Variants in SLC24A3 observed in about 807,000 individuals in gnomAD.
SLC24A3 encodes the protein sodium/potassium/calcium exchanger 3.
Under a neutral mutation model 75.8 loss-of-function variants are expected in SLC24A3, and 28 were observed. That is an observed-to-expected ratio of 0.37 (90% CI 0.27 to 0.51). The LOEUF is 0.51. SLC24A3 is among the 20% of genes least tolerant of loss of function. The pLI is 0.94. For synonymous variants in SLC24A3, 372 were observed against 334.1 expected, an observed-to-expected ratio of 1.11 and a Z score of -1.24; for missense variants, 663 against 847.8, an observed-to-expected ratio of 0.78 and a Z score of 2.71.
intron 2 of SLC24A3, among the ~76,000 whole-genome samples, chr20:19,493,295 GACCTTGGAAGTTGGTCTAGGATGCAT>G (rs1236519417): frequency 6.6e-6 from 1 of 152,170 alleles, no homozygotes; most frequent in African/African-American, 2.4e-5. Flanking sequence ...AGGGCCTGAA[GACCTTGGAAGTTGGTCTAGGATGCAT>G]ACCTTGGAAG....
At chr20:19,597,776 A>G (rs1016015902) in intron 6 of SLC24A3, among the ~76,000 whole-genome samples, 1 of 152,168 alleles carries the variant, frequency 6.6e-6, no homozygotes, top group African/African-American at 2.4e-5. Context: ...TTCTGCCTCC[A>G]TGAGATTAAC....
intron 1 of SLC24A3, among the ~76,000 whole-genome samples, chr20:19,245,241 T>G (rs563688662): frequency 5.5e-4 from 83 of 152,230 alleles, no homozygotes; most frequent in African/African-American, 1.9e-3. Context: ...GCCAAGAAAT[T>G]AACATATTAT....
chr20:19,364,189 C>T (rs6046022), intron 2 of SLC24A3, among the ~76,000 whole-genome samples: 1,716 of 152,254 alleles, frequency 0.011, 30 homozygotes, highest in African/African-American at 0.038. Flanking sequence ...CTGCAGATCA[C>T]CAACCGTGTG....
chr20:19,498,530 T>C (rs11908085), intron 2 of SLC24A3, among the ~76,000 whole-genome samples: 26,409 of 151,736 alleles, frequency 0.17, 2,804 homozygotes, highest in African/African-American at 0.3. Context: ...TGATTTGCCC[T>C]ATGCAGCCTC....
intron 6 of SLC24A3, among the ~76,000 whole-genome samples, chr20:19,651,860 C>CA (rs11473740): frequency 0.076 from 9,091 of 120,040 alleles, 593 homozygotes; most frequent in African/African-American, 0.18. Flanking sequence ...GACTCCATCT[C>CA]AAAAAAAAAA....
chr20:19,435,872 T>C (rs1241502193), intron 2 of SLC24A3, among the ~76,000 whole-genome samples: 1 of 152,200 alleles, frequency 6.6e-6, no homozygotes, highest in Non-Finnish European at 1.5e-5. Context: ...ATGCCCAAAC[T>C]GGTTCCAAGA....
At chr20:19,235,688 C>G (rs1385603509) in intron 1 of SLC24A3, among the ~76,000 whole-genome samples, 2 of 152,192 alleles carry the variant, frequency 1.3e-5, no homozygotes, top group African/African-American at 4.8e-5. Flanking sequence ...CCCCTTCCTC[C>G]TGACTGTTCC....
intron 3 of SLC24A3, among the ~76,000 whole-genome samples, chr20:19,546,108 G>A (rs1218972753): frequency 7.4e-6 from 1 of 134,254 alleles, no homozygotes; most frequent in Non-Finnish European, 1.5e-5. Flanking sequence ...GCAGTGAGCC[G>A]AGATTGTGCC....
chr20:19,509,461 A>G (rs562167632), intron 2 of SLC24A3, among the ~76,000 whole-genome samples: 1 of 152,350 alleles, frequency 6.6e-6, no homozygotes, highest in South Asian at 2.1e-4. Flanking sequence ...AACTGAGGCC[A>G]AGAAGCACTT....
intron 3 of SLC24A3, among the ~76,000 whole-genome samples, chr20:19,532,563 G>A (rs996416396): frequency 3.3e-5 from 5 of 152,182 alleles, no homozygotes; most frequent in African/African-American, 1.2e-4. Flanking sequence ...GAAAAGGGCA[G>A]ACAACAGAGG....
chr20:19,283,873 G>A (rs985650697), intron 2 of SLC24A3, among the ~76,000 whole-genome samples: 2 of 152,176 alleles, frequency 1.3e-5, no homozygotes, highest in Non-Finnish European at 2.9e-5. Flanking sequence ...CATCATTACG[G>A]GTGGGGCACA....
At chr20:19,362,539 C>A (rs1038584037) in intron 2 of SLC24A3, among the ~76,000 whole-genome samples, 1 of 152,222 alleles carries the variant, frequency 6.6e-6, no homozygotes, top group Non-Finnish European at 1.5e-5. Context: ...AGATGGTGTT[C>A]TCGGCTTCAG....
intron 2 of SLC24A3, among the ~76,000 whole-genome samples, chr20:19,326,380 C>T (rs182775507): frequency 7.2e-5 from 11 of 152,034 alleles, no homozygotes; most frequent in Admixed American, 1.3e-4. Flanking sequence ...GAGAGAACTA[C>T]GAGAATAACA....
chr20:19,270,530 A>G lies in SLC24A3; in HGVS notation c.143-10429A>G, dbSNP rs79896665. On this transcript the variant is annotated intron_variant, in intron 1 of 16. Coordinates refer to ENST00000328041, the MANE Select transcript of SLC24A3 (RefSeq NM_020689.4). ...TGGTGAGGGCCCTCTTCTGAATTGCATACTGATATATTATTGTATCCTCAT... is the reference window on the plus strand; with the variant it reads ...TGGTGAGGGCCCTCTTCTGAATTGCGTACTGATATATTATTGTATCCTCAT... Among the ~76,000 whole-genome samples, 558 of 152,246 alleles carry G rather than the reference A, an allele frequency of 3.7e-3. 1 individual carries two copies. Among genetic ancestry groups the G allele is most frequent in the African/African-American group, 4.3e-3 (178 of 41,540 alleles).
At chr20:19,315,197 GTT>G (rs1984557184) in intron 2 of SLC24A3, among the ~76,000 whole-genome samples, 1 of 152,140 alleles carries the variant, frequency 6.6e-6, no homozygotes, top group South Asian at 2.1e-4. Context: ...GGGTAGGTTG[GTT>G]TCCTCTGTGC....
In SLC24A3 at chr20:19,327,342, G is replaced by A. The variant is rs545559926; in HGVS notation, c.271+46255G>A. Reference sequence around the variant, plus strand: ...GGCATTGGGTTGTCAATAAAAAAACGTTCTTTCATTTTCCCATGCAAAGTG... The same window carrying A: ...GGCATTGGGTTGTCAATAAAAAAACATTCTTTCATTTTCCCATGCAAAGTG... On this transcript the variant is annotated intron_variant, in intron 2 of 16. Coordinates refer to ENST00000328041, the MANE Select transcript of SLC24A3 (RefSeq NM_020689.4). 1.2e-4 allele frequency among the ~76,000 whole-genome samples: 18 copies of A among 152,306 alleles called. No homozygotes were observed. In the South Asian group the frequency reaches 2.1e-3, roughly 18 times the overall value.
chr20:19,386,778 A>T (rs1473667687), intron 2 of SLC24A3, among the ~76,000 whole-genome samples: 1 of 152,188 alleles, frequency 6.6e-6, no homozygotes, highest in Non-Finnish European at 1.5e-5. Context: ...TGGTCATATT[A>T]CATAATCTTT....
intron 3 of SLC24A3, among the ~76,000 whole-genome samples, chr20:19,575,712 A>C (rs2031125572): frequency 6.6e-6 from 1 of 152,156 alleles, no homozygotes; most frequent in Non-Finnish European, 1.5e-5. Flanking sequence ...GGGCTGCCTC[A>C]GGGTGTTGGG....
intron 2 of SLC24A3, among the ~76,000 whole-genome samples, chr20:19,303,876 C>T (rs1984259385): frequency 6.6e-6 from 1 of 152,138 alleles, no homozygotes; most frequent in Non-Finnish European, 1.5e-5. Context: ...CCAAGTCACC[C>T]TACTGTGTGG....
Sources: allele counts gnomAD v4.1 joint callset (sites outside exome capture counted in the v4.1 genomes callset), GRCh38; gene constraint gnomAD v4.1.1; transcripts MANE v1.5; gene names NCBI Gene and HGNC (gene_info 2026-07-23, HGNC 2026-07-21).